The following RNF216 variants were observed in gnomAD, a reference collection of about 807,000 sequenced individuals.
RNF216 encodes ring finger protein 216, also known as E3 ubiquitin-protein ligase RNF216.
In RNF216, 72 loss-of-function variants were observed where a neutral mutation model predicts 110.8. The observed-to-expected ratio is 0.65, with a 90% confidence interval of 0.54 to 0.79. RNF216 has a LOEUF of 0.79. Ranked by LOEUF, RNF216 falls within the 30% of genes least tolerant of loss-of-function variation. RNF216 has a pLI of 0.00. For synonymous variants in RNF216, 495 were observed against 407.5 expected (o/e 1.21, Z -2.59); for missense variants, 1,342 against 1,141.2 (o/e 1.18, Z -2.54).
At chr7:5,738,052 G>A (rs1223084433) in intron 5 of RNF216, among the ~76,000 whole-genome samples, 1 of 137,620 alleles carries the variant, frequency 7.3e-6, no homozygotes, top group Non-Finnish European at 1.5e-5. Flanking sequence ...TCGCACCACT[G>A]CACTCTAGCC....
intron 1 of RNF216, among the ~76,000 whole-genome samples, chr7:5,777,129 G>A (rs934264081): frequency 1.5e-4 from 22 of 148,656 alleles, no homozygotes; most frequent in Middle Eastern, 3.9e-3. Context: ...AGTGGAGCCC[G>A]GCCTTCCAGC....
At chr7:5,778,413 A>G (rs1796898208) in intron 1 of RNF216, among the ~76,000 whole-genome samples, 1 of 152,182 alleles carries the variant, frequency 6.6e-6, no homozygotes, top group South Asian at 2.1e-4. Flanking sequence ...TCAATCACAC[A>G]ACGTACCTCA....
chr7:5,682,182 C>T (rs1655725547), intron 13 of RNF216, among the ~76,000 whole-genome samples: 1 of 152,298 alleles, frequency 6.6e-6, no homozygotes, highest in East Asian at 1.9e-4. Flanking sequence ...GCAAAGTTGG[C>T]AGATTCTGTA....
At chr7:5,754,068 C>A (rs760792168) in intron 2 of RNF216, among the ~76,000 whole-genome samples, 4 of 151,834 alleles carry the variant, frequency 2.6e-5, no homozygotes, top group Non-Finnish European at 4.4e-5. Flanking sequence ...CACCTCATCA[C>A]TGCAATTTTT....
At chr7:5,652,677 G>A (rs529301269) in intron 13 of RNF216, among the ~76,000 whole-genome samples, 167 bp from the exon 14 acceptor site, 1 of 152,250 alleles carries the variant, frequency 6.6e-6, no homozygotes, top group South Asian at 2.1e-4. Context: ...TAATAGAAGA[G>A]GTTAAGAGGT....
In RNF216 at chr7:5,752,992, A is replaced by AC. The variant is rs1281556423; in HGVS notation, c.68-14_68-13insG. The AC allele has an allele frequency of 1.2e-5, 19 of 1,603,260 alleles. No individual in the cohort carries two copies. The highest frequency in any genetic ancestry group is 1.5e-5 in the Non-Finnish European group (18 of 1,176,036). The stretch of plus-strand genomic sequence containing the variant: ...AGATTGATCCACTCTACAGGAAAGC[A>AC]GAGAACACTGTTACTGGGAGGTTGG... On this transcript the variant is annotated splice_polypyrimidine_tract_variant and intron_variant, in intron 2 of 16. Transcript: ENST00000389902.
Position 5,741,217 on chromosome 7 carries a change from T to A in RNF216, c.800A>T (p.His267Leu), listed in dbSNP as rs1168562533. 6.2e-7 allele frequency: 1 copy of A among 1,614,166 alleles called. No individual in the cohort carries two copies. Among genetic ancestry groups the A allele is most frequent in the Non-Finnish European group, 8.5e-7 (1 of 1,180,040 alleles). Residue 267 changes from histidine to leucine, a missense_variant, in exon 4 of 17, where the codon CAT (histidine) becomes CTT (leucine). By Grantham distance (99) the His-to-Leu change is moderately conservative. Coordinates refer to ENST00000389902, the MANE Select transcript of RNF216 (RefSeq NM_207111.4). The stretch of plus-strand genomic sequence containing the variant: ...TGGAAAAGCGGGCCCTGGGAATTCA[T>A]GCTGAAACAACAAGCGGCCCAGTTC... ...EAELGRLLFQ[H>L]EFPGPAFPRP...
At position 5,739,281 on chromosome 7, in the gene RNF216, C is replaced by T. The variant is rs200307481; in HGVS notation, c.1116G>A (p.Leu372=). 7 of 1,588,072 alleles carry T rather than the reference C, an allele frequency of 4.4e-6. No individual in the cohort carries two copies. The East Asian group carries it at 1.1e-4, about 25-fold the overall frequency. Reference sequence around the variant, plus strand: ...AAGCATGGTAGTATACTTACACATTCAGATCATAATAATTCTTAAAATGAA... The same window carrying T: ...AAGCATGGTAGTATACTTACACATTTAGATCATAATAATTCTTAAAATGAA... ...EIIHFKNYYD[L]NVLCNFLLEN... The change falls in exon 5 of 17, where the codon CTG becomes CTA. Residue 372 remains leucine, a synonymous_variant. Transcript: ENST00000389902.
chr7:5,659,799 A>C (rs2128583823), intron 13 of RNF216, among the ~76,000 whole-genome samples: 1 of 152,324 alleles, frequency 6.6e-6, no homozygotes, highest in East Asian at 1.9e-4. Context: ...GCCAACACCA[A>C]GCCTGGCAGG....
intron 13 of RNF216, among the ~76,000 whole-genome samples, chr7:5,652,923 T>A (rs1328233707): frequency 6.6e-6 from 1 of 152,224 alleles, no homozygotes; most frequent in Non-Finnish European, 1.5e-5. Flanking sequence ...TAAGCCTTTC[T>A]AAAATGCTCT....
intron 1 of RNF216, among the ~76,000 whole-genome samples, chr7:5,779,296 C>A (rs1796946379): frequency 6.6e-6 from 1 of 152,120 alleles, no homozygotes; most frequent in Non-Finnish European, 1.5e-5. Context: ...CTTTTATTAG[C>A]TGCTGCTGCT....
chr7:5,731,297 C>T (rs1352345480), intron 5 of RNF216, among the ~76,000 whole-genome samples: 3 of 152,192 alleles, frequency 2.0e-5, no homozygotes. Flanking sequence ...TTTTATACCC[C>T]TGTGGTAACA....
intron 2 of RNF216, among the ~76,000 whole-genome samples, chr7:5,758,045 T>C (rs1175566078): frequency 6.6e-6 from 1 of 152,124 alleles, no homozygotes; most frequent in Admixed American, 6.6e-5. Context: ...TCTATATACC[T>C]GAAAAAAGTT....
At chr7:5,720,976 C>G (rs2128635880) in intron 9 of RNF216, 57 bp downstream of exon 9, 5 of 1,580,890 alleles carry the variant, frequency 3.2e-6, no homozygotes, top group Non-Finnish European at 3.5e-6. Context: ...TAACTAAACC[C>G]TAAGAGCAAA....
intron 16 of RNF216, 33 bp from the exon 17 acceptor site, chr7:5,623,212 CATT>C (rs1274951164): frequency 6.6e-7 from 1 of 1,522,002 alleles, no homozygotes; most frequent in Non-Finnish European, 8.9e-7. Context: ...TGGAGAAAAA[CATT>C]AAACCAACCT....
chr7:5,624,166 T>G lies in RNF216; in HGVS notation c.2383-41A>C, dbSNP rs373744722. On this transcript the variant is annotated intron_variant, in intron 15 of 16. Transcript: ENST00000389902. This position sits in a 1 kb window ranked among gnomAD's most constrained non-coding sequence, Gnocchi z 4.4. ...TGAGAAGGATGAACCTGTAGCTTCA[T>G]GCAGTGCTGAGGCCCCGTGGGACAG... is the stretch of plus-strand genomic sequence containing the variant. The G allele has an allele frequency of 6.3e-7, 1 of 1,575,572 alleles. No individual in the cohort carries two copies. Among genetic ancestry groups the G allele is most frequent in the Non-Finnish European group, 8.7e-7 (1 of 1,149,844 alleles).
At chr7:5,637,266 C>T (rs753442382) in intron 15 of RNF216, among the ~76,000 whole-genome samples, 4 of 152,130 alleles carry the variant, frequency 2.6e-5, no homozygotes, top group Non-Finnish European at 5.9e-5. Context: ...CTGCACCTCC[C>T]GATCACCCAG....
intron 13 of RNF216, among the ~76,000 whole-genome samples, chr7:5,661,657 G>C (rs765930406): frequency 6.6e-6 from 1 of 152,098 alleles, no homozygotes; most frequent in Non-Finnish European, 1.5e-5. Flanking sequence ...ACAAAAATTA[G>C]CCAGGCGTGG....
At chr7:5,776,590 G>A (rs6963602) in intron 1 of RNF216, among the ~76,000 whole-genome samples, 49,633 of 102,246 alleles carry the variant, frequency 0.49, 10,672 homozygotes, top group Admixed American at 0.6. Context: ...GCAAGACTCC[G>A]TCTCAAAAAA....
Sources: allele counts gnomAD v4.1 joint callset (sites outside exome capture counted in the v4.1 genomes callset), GRCh38; gene constraint gnomAD v4.1.1; non-coding constraint Gnocchi (gnomAD v3.1); transcripts MANE v1.5; gene names NCBI Gene and HGNC (gene_info 2026-07-23, HGNC 2026-07-21).